The following PTGER3 variants were observed in gnomAD, a reference collection of about 807,000 sequenced individuals.
PTGER3 encodes prostaglandin E receptor 3, also known as prostaglandin E2 receptor EP3 subtype.
In PTGER3, 22 loss-of-function variants were observed where a neutral mutation model predicts 34.7. The ratio of observed to expected loss-of-function variants is 0.63; its 90% CI spans 0.45 to 0.91. The LOEUF is 0.91. Ranked by LOEUF, PTGER3 falls within the 40% of genes least tolerant of loss-of-function variation. The pLI, the probability that PTGER3 is intolerant of heterozygous loss-of-function variation, is 0.00. For synonymous variants in PTGER3, 241 were observed against 230.1 expected, an observed-to-expected ratio of 1.05 and a Z score of -0.43; for missense variants, 468 against 519.4, an observed-to-expected ratio of 0.90 and a Z score of 0.96.
At chr1:71,045,744 A>G (rs576079447) in intron 1 of PTGER3, among the ~76,000 whole-genome samples, 29 of 152,074 alleles carry the variant, frequency 1.9e-4, no homozygotes, top group Non-Finnish European at 3.7e-4. Context: ...CTACAAGGGT[A>G]AGTAAATGCT....
At chr1:70,986,744 C>T (rs1490229225) in intron 2 of PTGER3, among the ~76,000 whole-genome samples, 1 of 152,170 alleles carries the variant, frequency 6.6e-6, no homozygotes, top group Admixed American at 6.5e-5. Flanking sequence ...TGAGCTTTCT[C>T]CTTCACACAG....
At chr1:70,966,368 C>T (rs1652514192), downstream of PTGER3, among the ~76,000 whole-genome samples, 1 of 152,078 alleles carries the variant, frequency 6.6e-6, no homozygotes, top group Non-Finnish European at 1.5e-5. Flanking sequence ...AACCAAATAA[C>T]ACTTGTTCCC....
intron 1 of PTGER3, among the ~76,000 whole-genome samples, chr1:71,039,617 T>C (rs1660119161): frequency 7.9e-6 from 1 of 126,380 alleles, no homozygotes; most frequent in South Asian, 2.4e-4. Context: ...GCCACTGCAC[T>C]CCAGCCTGGG....
intron 1 of PTGER3, among the ~76,000 whole-genome samples, chr1:71,014,078 C>T (rs1023853956): frequency 6.6e-6 from 1 of 151,924 alleles, no homozygotes. Flanking sequence ...TCACTTGTTT[C>T]TTTTGACTTT....
intron 4 of PTGER3, among the ~76,000 whole-genome samples, chr1:70,941,150 A>C (rs1220697264): frequency 6.6e-6 from 1 of 152,198 alleles, no homozygotes; most frequent in African/African-American, 2.4e-5. Context: ...TGCAATACTC[A>C]TATATAAAGA....
chr1:70,868,915 G>C (rs1416966029), intron 4 of PTGER3, among the ~76,000 whole-genome samples: 6 of 152,118 alleles, frequency 3.9e-5, no homozygotes, highest in Non-Finnish European at 5.9e-5. Context: ...AGAATGAATG[G>C]GCCCAGCTAT....
At chr1:70,931,226 C>T (rs1648659346) in intron 4 of PTGER3, among the ~76,000 whole-genome samples, 1 of 152,184 alleles carries the variant, frequency 6.6e-6, no homozygotes, top group Non-Finnish European at 1.5e-5. Context: ...GAGGTGGGTT[C>T]CCATGGTCTT....
intron 2 of PTGER3, among the ~76,000 whole-genome samples, chr1:70,996,809 G>A (rs1449415581): frequency 4.6e-5 from 7 of 151,974 alleles, no homozygotes; most frequent in East Asian, 1.9e-4. Flanking sequence ...GACTACAGGC[G>A]CCCGCCACCG....
chr1:71,031,754 C>A (rs1334710083), intron 1 of PTGER3, among the ~76,000 whole-genome samples: 1 of 152,168 alleles, frequency 6.6e-6, no homozygotes, highest in Non-Finnish European at 1.5e-5. Flanking sequence ...TCCTGAAATC[C>A]TTCTACATAT....
At chr1:70,970,442 G>A (rs1652956512), downstream of PTGER3, among the ~76,000 whole-genome samples, 1 of 152,124 alleles carries the variant, frequency 6.6e-6, no homozygotes, top group South Asian at 2.1e-4. Context: ...AATAGTTATA[G>A]TTTATAGCTA....
chr1:70,961,124 C>A (rs1238975832), intron 2 of PTGER3, among the ~76,000 whole-genome samples: 1 of 152,140 alleles, frequency 6.6e-6, no homozygotes, highest in Non-Finnish European at 1.5e-5. Context: ...GTCAAACCTG[C>A]CTGATGAGAA....
At chr1:71,021,913 T>C (rs1182402734) in intron 1 of PTGER3, among the ~76,000 whole-genome samples, 1 of 151,904 alleles carries the variant, frequency 6.6e-6, no homozygotes, top group Admixed American at 6.5e-5. Flanking sequence ...AAAATCATGC[T>C]GTTGAATATT....
chr1:70,938,204 T>A (rs1163662010), intron 4 of PTGER3, among the ~76,000 whole-genome samples: 1 of 152,122 alleles, frequency 6.6e-6, no homozygotes, highest in Non-Finnish European at 1.5e-5. Flanking sequence ...TAGAAGAGCA[T>A]CAGAAGCTAA....
At chr1:70,972,198 C>G (rs1653158466) in intron 3 of PTGER3, among the ~76,000 whole-genome samples, 1 of 152,044 alleles carries the variant, frequency 6.6e-6, no homozygotes, top group Non-Finnish European at 1.5e-5. Context: ...TGGTGTGCAC[C>G]TGTAGTCCCA....
intron 4 of PTGER3, among the ~76,000 whole-genome samples, chr1:70,891,656 C>T (rs1646620419): frequency 1.3e-5 from 2 of 152,184 alleles, no homozygotes; most frequent in Non-Finnish European, 2.9e-5. Flanking sequence ...AGATACCCTC[C>T]AGGGCAGGAG....
Position 71,039,769 on chromosome 1 carries a change from A to G in PTGER3, c.897+6912T>C, listed in dbSNP as rs74090220. Among the ~76,000 whole-genome samples, 880 of 152,212 alleles carry G rather than the reference A, an allele frequency of 5.8e-3. 13 individuals carry two copies. The highest frequency in any genetic ancestry group is 0.02 in the African/African-American group (836 of 41,530). Reference sequence around the variant, plus strand: ...CCACATTTTTTCCCCAATGAACTATAACTAATCAAGCTGTGAAACACTACT... The same window carrying G: ...CCACATTTTTTCCCCAATGAACTATGACTAATCAAGCTGTGAAACACTACT... On this transcript the variant is annotated intron_variant, in intron 1 of 3. Coordinates refer to ENST00000306666, the MANE Select transcript of PTGER3 (RefSeq NM_198719.2).
intron 4 of PTGER3, among the ~76,000 whole-genome samples, chr1:70,896,274 G>A (rs907273965): frequency 2.6e-5 from 4 of 152,156 alleles, no homozygotes; most frequent in South Asian, 2.1e-4. Context: ...ATCAAGTTTC[G>A]AGGAGGACAT....
chr1:70,925,480 G>A (rs1358922726), intron 4 of PTGER3, among the ~76,000 whole-genome samples: 1 of 152,074 alleles, frequency 6.6e-6, no homozygotes, highest in African/African-American at 2.4e-5. Context: ...ATTATCCATT[G>A]TAGCATTGTA....
At chr1:70,952,910 T>C (rs1650903855) in exon 4 of PTGER3, 1 of 1,604,464 alleles carries the variant, frequency 6.2e-7, no homozygotes, top group Non-Finnish European at 8.5e-7. Context: ...CTTCATGTTA[T>C]TCTGTCTTTA....
Sources: allele counts gnomAD v4.1 joint callset (sites outside exome capture counted in the v4.1 genomes callset), GRCh38; gene constraint gnomAD v4.1.1; transcripts MANE v1.5; gene names NCBI Gene and HGNC (gene_info 2026-07-23, HGNC 2026-07-21).